The following ASIC2 variants were observed in gnomAD, a reference collection of about 807,000 sequenced individuals.
ASIC2 encodes the protein acid-sensing ion channel 2.
Under a neutral mutation model 57.3 loss-of-function variants are expected in ASIC2, and 25 were observed. That is an observed-to-expected ratio of 0.44 (90% CI 0.32 to 0.61). ASIC2 has a LOEUF of 0.61. Ranked by LOEUF, ASIC2 falls within the 20% of genes least tolerant of loss-of-function variation. The pLI, the probability that ASIC2 is intolerant of heterozygous loss-of-function variation, is 0.06. For synonymous variants in ASIC2, 319 were observed against 307.5 expected, an observed-to-expected ratio of 1.04 and a Z score of -0.39; for missense variants, 641 against 738.1, an observed-to-expected ratio of 0.87 and a Z score of 1.52.
At chr17:33,131,595 T>C (rs2092346279) in intron 1 of ASIC2, 1 of 152,262 alleles carries the variant, frequency 6.6e-6, no homozygotes, top group East Asian at 1.9e-4. Flanking sequence ...ACCAAGGGTG[T>C]CTAACAGCTG....
chr17:34,136,131 T>C (rs956564276), intron 1 of ASIC2, among the ~76,000 whole-genome samples: 1 of 152,146 alleles, frequency 6.6e-6, no homozygotes, highest in Non-Finnish European at 1.5e-5. Flanking sequence ...AAAACAAAGA[T>C]TATAAGACTG....
intron 3 of ASIC2, among the ~76,000 whole-genome samples, chr17:33,075,368 T>C (rs2092085341): frequency 6.6e-6 from 1 of 152,178 alleles, no homozygotes; most frequent in Admixed American, 6.5e-5. Context: ...CGGGTATGTC[T>C]TTATCAGCAG....
intron 1 of ASIC2, among the ~76,000 whole-genome samples, chr17:33,176,021 A>G (rs1319269959): frequency 6.6e-6 from 1 of 152,132 alleles, no homozygotes; most frequent in East Asian, 1.9e-4. Flanking sequence ...CCCCACAAAG[A>G]TGCCATATTC....
At chr17:33,038,060 C>T (rs2091916287) in intron 3 of ASIC2, among the ~76,000 whole-genome samples, 1 of 152,162 alleles carries the variant, frequency 6.6e-6, no homozygotes, top group African/African-American at 2.4e-5. Context: ...ATGACCCATG[C>T]AGAACCTCGA....
At chr17:34,155,340 T>C (rs1429948890) in intron 1 of ASIC2, among the ~76,000 whole-genome samples, 1 of 152,100 alleles carries the variant, frequency 6.6e-6, no homozygotes, top group East Asian at 1.9e-4. Context: ...ACAGATCAGA[T>C]GGAGCCCTGG....
intron 1 of ASIC2, among the ~76,000 whole-genome samples, chr17:33,901,117 T>C (rs149953930): frequency 2.6e-5 from 4 of 152,286 alleles, no homozygotes; most frequent in African/African-American, 9.6e-5. Flanking sequence ...CTGTCTGCCC[T>C]TTTCCTCCTC....
intron 1 of ASIC2, among the ~76,000 whole-genome samples, chr17:33,946,291 A>T (rs1415985076): frequency 1.3e-5 from 2 of 151,250 alleles, no homozygotes; most frequent in Non-Finnish European, 2.9e-5. Context: ...ACCATGGGTG[A>T]AAGACGACTG....
chr17:33,621,598 A>T (rs563389558), intron 1 of ASIC2, among the ~76,000 whole-genome samples: 1 of 152,318 alleles, frequency 6.6e-6, no homozygotes, highest in South Asian at 2.1e-4. Flanking sequence ...GCAAGTTAAC[A>T]CAGGTAGCAC....
intron 1 of ASIC2, among the ~76,000 whole-genome samples, chr17:33,562,345 G>A (rs1353115868): frequency 3.3e-5 from 5 of 152,068 alleles, no homozygotes; most frequent in Admixed American, 2.0e-4. Flanking sequence ...CCTAGTGTAC[G>A]CTAGGTGCTT....
At chr17:33,773,165 C>A (rs1911167068) in intron 1 of ASIC2, among the ~76,000 whole-genome samples, 1 of 152,102 alleles carries the variant, frequency 6.6e-6, no homozygotes. Context: ...TAAGTTTAAA[C>A]TGCATAGGGA....
chr17:33,134,437 G>C (rs1377808703), intron 1 of ASIC2, among the ~76,000 whole-genome samples: 1 of 152,254 alleles, frequency 6.6e-6, no homozygotes, highest in Non-Finnish European at 1.5e-5. Context: ...TATTATGCCA[G>C]ATGGGAGGCA....
intron 1 of ASIC2, among the ~76,000 whole-genome samples, chr17:33,906,877 T>C (rs1159226336): frequency 6.6e-6 from 1 of 152,192 alleles, no homozygotes; most frequent in East Asian, 1.9e-4. Flanking sequence ...CTACAAGTCT[T>C]GAATTCTAAT....
intron 1 of ASIC2, among the ~76,000 whole-genome samples, chr17:33,877,622 G>T (rs1914584387): frequency 6.6e-6 from 1 of 152,232 alleles, no homozygotes; most frequent in African/African-American, 2.4e-5. Context: ...AGCTCGAACT[G>T]GGTGGAGCCC....
At chr17:33,379,848 T>C (rs940345997) in intron 1 of ASIC2, among the ~76,000 whole-genome samples, 2 of 152,212 alleles carry the variant, frequency 1.3e-5, no homozygotes, top group Non-Finnish European at 2.9e-5. Context: ...CTCTATTCCA[T>C]GTACATCTCT....
At chr17:34,100,942 T>G (rs567412128) in intron 1 of ASIC2, among the ~76,000 whole-genome samples, 1 of 152,328 alleles carries the variant, frequency 6.6e-6, no homozygotes, top group Non-Finnish European at 1.5e-5. Flanking sequence ...TGATGTTGAA[T>G]AAATAATTTA....
intron 1 of ASIC2, among the ~76,000 whole-genome samples, chr17:33,172,217 A>G (rs1905548904): frequency 1.3e-5 from 2 of 152,196 alleles, no homozygotes; most frequent in African/African-American, 2.4e-5. Context: ...TATACTCCCA[A>G]ATGATCATGT....
intron 1 of ASIC2, among the ~76,000 whole-genome samples, chr17:33,891,593 A>T (rs1914960287): frequency 6.6e-6 from 1 of 152,174 alleles, no homozygotes; most frequent in South Asian, 2.1e-4. Context: ...CTTTAGGTTA[A>T]TCCCATAGAC....
At chr17:33,906,919 G>C (rs28571048) in intron 1 of ASIC2, among the ~76,000 whole-genome samples, 63,643 of 151,958 alleles carry the variant, frequency 0.42, 13,508 homozygotes, top group Admixed American at 0.46. Context: ...CCTAAGCTGG[G>C]ACATCACTGG....
chr17:33,397,349 G>T (rs1048665243), intron 1 of ASIC2, among the ~76,000 whole-genome samples: 2 of 152,176 alleles, frequency 1.3e-5, no homozygotes, highest in African/African-American at 4.8e-5. Flanking sequence ...CTGGCCATTT[G>T]TGAAGGTCCA....
Sources: allele counts gnomAD v4.1 joint callset (sites outside exome capture counted in the v4.1 genomes callset), GRCh38; gene constraint gnomAD v4.1.1; transcripts MANE v1.5; gene names NCBI Gene and HGNC (gene_info 2026-07-23, HGNC 2026-07-21).